Variants in FAM184A observed in about 807,000 individuals in gnomAD.
The protein encoded by FAM184A is protein FAM184A.
Under a neutral mutation model 143.8 loss-of-function variants are expected in FAM184A, and 99 were observed. The ratio of observed to expected loss-of-function variants is 0.69; its 90% CI spans 0.58 to 0.81. The LOEUF is 0.81. FAM184A is among the 40% of genes least tolerant of loss of function. The pLI is 0.00. For missense variants in FAM184A, 1,217 were observed against 1,310.5 expected, an observed-to-expected ratio of 0.93 and a Z score of 1.10; for synonymous variants, 427 against 446.4, an observed-to-expected ratio of 0.96 and a Z score of 0.55.
rs1785556772 is a variant in FAM184A, at chr6:119,024,354, C to T, written c.619G>A (p.Asp207Asn). 1 of 1,614,178 alleles carries T rather than the reference C, an allele frequency of 6.2e-7. No individual in the cohort carries two copies. Among genetic ancestry groups the T allele is most frequent in the Non-Finnish European group, 8.5e-7 (1 of 1,180,030 alleles). ...CCTTTATTTACTGAGGCACTGTGAT[C>T]CTGCTGTGACTTCAATAGCTCTTGT... ...EIQELLKSQQ[D>N]HSASVNKGQE... Residue 207 changes from aspartate (D) to asparagine (N), a missense_variant, in exon 2 of 18, where the codon GAT becomes AAT. Physicochemically the swap from Asp to Asn is conservative, Grantham distance 23. Transcript: ENST00000338891.
chr6:118,988,061 T>C (rs1784249481), intron 9 of FAM184A, among the ~76,000 whole-genome samples: 1 of 152,196 alleles, frequency 6.6e-6, no homozygotes, highest in African/African-American at 2.4e-5. Flanking sequence ...GTACAAATTG[T>C]AAGTGCCGCT....
intron 1 of FAM184A, among the ~76,000 whole-genome samples, chr6:119,127,874 G>A (rs755990432): frequency 3.3e-5 from 5 of 152,088 alleles, no homozygotes; most frequent in African/African-American, 4.8e-5. Flanking sequence ...TTCATTGACC[G>A]TCTACTTTGT....
chr6:119,115,418 G>C (rs552639704), intron 1 of FAM184A, among the ~76,000 whole-genome samples: 8 of 152,318 alleles, frequency 5.3e-5, no homozygotes, highest in Admixed American at 3.9e-4. Flanking sequence ...GTGACTGGGC[G>C]AGGTGGCTCA....
intron 1 of FAM184A, among the ~76,000 whole-genome samples, chr6:119,137,620 T>G (rs367881607): frequency 2.0e-5 from 3 of 152,340 alleles, no homozygotes; most frequent in East Asian, 3.9e-4. Context: ...TAACTCATTT[T>G]TGATAATCTT....
Position 118,992,990 on chromosome 6 carries a change from T to C in FAM184A, c.2088+9909A>G, listed in dbSNP as rs890818296. On this transcript the variant is annotated intron_variant, in intron 9 of 17. Transcript: ENST00000338891. ...TGTTTTAAAGCCATCCAATCTATGGTATTCTGTTATTGCAGTCCAAGTGAA... is the reference window on the plus strand; with the variant it reads ...TGTTTTAAAGCCATCCAATCTATGGCATTCTGTTATTGCAGTCCAAGTGAA... 2.6e-5 allele frequency among the ~76,000 whole-genome samples: 4 copies of C among 152,186 alleles called. No homozygotes were observed. In the South Asian group the frequency reaches 8.3e-4, roughly 31 times the overall value.
chr6:118,983,523 T>C (rs1299046747), intron 9 of FAM184A, among the ~76,000 whole-genome samples: 1 of 152,180 alleles, frequency 6.6e-6, no homozygotes, highest in African/African-American at 2.4e-5. Context: ...TCAAATTATG[T>C]AGTGCACGGT....
chr6:119,075,815 T>C (rs376625098), intron 1 of FAM184A, among the ~76,000 whole-genome samples: 2 of 152,188 alleles, frequency 1.3e-5, no homozygotes, highest in African/African-American at 4.8e-5. Flanking sequence ...GTCATGCTTA[T>C]GGTATAGTAT....
intron 6 of FAM184A, among the ~76,000 whole-genome samples, chr6:119,008,619 T>G (rs985781965): frequency 4.6e-5 from 7 of 152,226 alleles, no homozygotes; most frequent in Non-Finnish European, 1.0e-4. Flanking sequence ...AGGTAGGATT[T>G]CTGTCATTTG....
chr6:119,036,855 C>G (rs1786132651), intron 1 of FAM184A, among the ~76,000 whole-genome samples: 4 of 152,182 alleles, frequency 2.6e-5, no homozygotes, highest in Admixed American at 2.0e-4. Context: ...CTGTATAGTA[C>G]AGAATACTGT....
chr6:118,986,295 A>G (rs1272327278), intron 9 of FAM184A, among the ~76,000 whole-genome samples: 4 of 147,260 alleles, frequency 2.7e-5, no homozygotes, highest in South Asian at 2.1e-4. Context: ...TCCGTCTCCG[A>G]AAAAAAAAAA....
intron 1 of FAM184A, among the ~76,000 whole-genome samples, chr6:119,034,179 G>A (rs1451303486): frequency 6.7e-6 from 1 of 150,368 alleles, no homozygotes; most frequent in Non-Finnish European, 1.5e-5. Flanking sequence ...ACATTCTAAA[G>A]AAAAAAGCAA....
intron 3 of FAM184A, 92 bp from the exon 4 acceptor site, chr6:119,020,251 C>T (rs1785398277): frequency 9.0e-6 from 9 of 997,876 alleles, no homozygotes; most frequent in Non-Finnish European, 1.2e-5. Flanking sequence ...GTACTTTATA[C>T]TTAAGTAAAA....
intron 7 of FAM184A, 180 bp downstream of exon 7, chr6:119,006,267 C>A (rs1784916586): frequency 2.7e-6 from 2 of 747,316 alleles, no homozygotes; most frequent in African/African-American, 1.7e-5. Flanking sequence ...GCCTCCAGAG[C>A]TATGAGAGAA....
chr6:119,082,328 C>CAT (rs1788097157), upstream of FAM184A, among the ~76,000 whole-genome samples: 1 of 152,190 alleles, frequency 6.6e-6, no homozygotes, highest in African/African-American at 2.4e-5. Flanking sequence ...TCCCAAATCT[C>CAT]ATATCCTTCT....
intron 1 of FAM184A, among the ~76,000 whole-genome samples, chr6:119,029,750 C>T (rs1442937128): frequency 2.6e-5 from 4 of 152,152 alleles, no homozygotes; most frequent in African/African-American, 7.2e-5. Context: ...TTTCACTTGA[C>T]ATTCTAATGC....
At chr6:119,058,491 C>A (rs1787096381) in intron 1 of FAM184A, among the ~76,000 whole-genome samples, 1 of 152,036 alleles carries the variant, frequency 6.6e-6, no homozygotes, top group South Asian at 2.1e-4. Flanking sequence ...GTGTGAGCCA[C>A]CGTGCCCAGC....
chr6:118,989,925 T>C (rs968476526), intron 9 of FAM184A, among the ~76,000 whole-genome samples: 2 of 151,880 alleles, frequency 1.3e-5, no homozygotes, highest in African/African-American at 4.8e-5. Flanking sequence ...GCCTCCTGGG[T>C]TCAAGCCATT....
intron 1 of FAM184A, among the ~76,000 whole-genome samples, chr6:119,032,900 A>G (rs1238959543): frequency 6.6e-6 from 1 of 152,216 alleles, no homozygotes; most frequent in Non-Finnish European, 1.5e-5. Flanking sequence ...ATAAGACATC[A>G]GAGTTAAAGA....
intron 9 of FAM184A, among the ~76,000 whole-genome samples, chr6:118,985,876 A>C (rs748185708): frequency 5.7e-4 from 87 of 152,382 alleles, no homozygotes; most frequent in Middle Eastern, 3.4e-3. Context: ...ATAACTTATT[A>C]TTATGCCAAT....
Sources: allele counts gnomAD v4.1 joint callset (sites outside exome capture counted in the v4.1 genomes callset), GRCh38; gene constraint gnomAD v4.1.1; transcripts MANE v1.5; gene names NCBI Gene and HGNC (gene_info 2026-07-23, HGNC 2026-07-21).